The following HPX variants were observed in gnomAD, a reference collection of about 807,000 sequenced individuals.
HPX encodes the protein hemopexin.
HPX carries 42 observed loss-of-function variants against 53.8 expected under a neutral mutation model. The observed-to-expected ratio is 0.78, with a 90% CI of 0.61 to 1.01. HPX has a LOEUF of 1.01. HPX is among the 50% of genes least tolerant of loss of function. The probability of loss-of-function intolerance (pLI) is 0.00; values close to 1 mark genes in which losing one functional copy is unlikely to be tolerated. For missense variants in HPX, 547 were observed against 594.3 expected (o/e 0.92, Z 0.83); for synonymous variants, 229 against 221.1 (o/e 1.04, Z -0.32).
At chr11:6,438,015 T>G in intron 5 of HPX, 1 of 487,044 alleles carries the variant, frequency 2.1e-6, no homozygotes, top group Non-Finnish European at 3.7e-6. Context: ...TGGAGCTTAG[T>G]GTTAAGGTAA....
chr11:6,438,196 C>G, intron 5 of HPX, 160 bp downstream of exon 5: 1 of 715,688 alleles, frequency 1.4e-6, no homozygotes, highest in Non-Finnish European at 2.4e-6. Context: ...CTCTCCTTCC[C>G]TCACGTGACC....
At chr11:6,440,789 CT>C (rs1849474842) in intron 1 of HPX, 59 bp from the exon 2 acceptor site, 17 of 1,597,454 alleles carry the variant, frequency 1.1e-5, no homozygotes, top group Non-Finnish European at 1.5e-5. Context: ...CCCATAGCCC[CT>C]GACCCCAAAT....
At chr11:6,440,785 G>A in intron 1 of HPX, 55 bp from the exon 2 acceptor site, 4 of 1,594,378 alleles carry the variant, frequency 2.5e-6, no homozygotes, top group Non-Finnish European at 3.4e-6. Flanking sequence ...CTTTCCCATA[G>A]CCCCTGACCC....
intron 2 of HPX, 42 bp from the exon 3 acceptor site, chr11:6,440,580 A>C (rs1277107445): frequency 5.1e-6 from 3 of 585,158 alleles, no homozygotes; most frequent in Admixed American, 7.3e-5. Context: ...AAAAAAAAAA[A>C]AAAAAAAAAA....
chr11:6,437,513 G>T lies in HPX; in HGVS notation c.630C>A (p.Asp210Glu). The T allele has an allele frequency of 1.2e-6, 2 of 1,614,216 alleles. No homozygotes were observed. The highest frequency in any genetic ancestry group is 1.7e-6 in the Non-Finnish European group (2 of 1,180,034). ...TGGGAGGCACCTCTCCCCTGACAGG[G>T]TCGAAGCGCAGGAATTGGTTACCCT... ...CFQGNQFLRF[D>E]PVRGEVPPRY... Residue 210 changes from aspartate (D) to glutamate (E), a missense_variant, in exon 6 of 10, where the codon GAC becomes GAA. Coordinates refer to ENST00000265983, the MANE Select transcript of HPX (RefSeq NM_000613.3).
chr11:6,431,734 C>G lies in HPX; in HGVS notation c.1036G>C (p.Glu346Gln), dbSNP rs1265187115. 6.2e-7 allele frequency: 1 copy of G among 1,614,104 alleles called. No homozygotes were observed. The highest frequency in any genetic ancestry group is 8.5e-7 in the Non-Finnish European group (1 of 1,180,046). The change falls in exon 9 of 10, where the codon GAG (glutamate) becomes CAG (glutamine). Residue 346 changes from glutamate to glutamine, a missense_variant. By Grantham distance (29) the Glu-to-Gln change is conservative. Coordinates refer to ENST00000265983, the MANE Select transcript of HPX (RefSeq NM_000613.3). ...CCATGAGGGGTCCCGACTTCCTTCTCCAGCCGCTTCGGATAACCGCTTACT... is the reference window on the plus strand; with the variant it reads ...CCATGAGGGGTCCCGACTTCCTTCTGCAGCCGCTTCGGATAACCGCTTACT... The part of the protein sequence containing the change: ...TLVSGYPKRL[E>Q]KEVGTPHGII...
chr11:6,438,016 G>T, intron 5 of HPX: 1 of 488,438 alleles, frequency 2.0e-6, no homozygotes, highest in Non-Finnish European at 3.7e-6. Flanking sequence ...GGAGCTTAGT[G>T]TTAAGGTAAA....
At chr11:6,433,742 T>C (rs1459286397) in intron 7 of HPX, among the ~76,000 whole-genome samples, 12 of 152,244 alleles carry the variant, frequency 7.9e-5, no homozygotes, top group Non-Finnish European at 1.5e-5. Flanking sequence ...CCTTTTATGG[T>C]TGAAAACCCT....
intron 9 of HPX, 33 bp from the exon 10 acceptor site, chr11:6,431,503 C>T (rs1849347705): frequency 1.9e-6 from 3 of 1,613,174 alleles, no homozygotes; most frequent in Non-Finnish European, 2.5e-6. Flanking sequence ...AGCATGGCTT[C>T]CATGTCATGG....
rs1849442967 is a variant in HPX at position 6,438,356 on chromosome 11, C to T, written c.490G>A (p.Gly164Ser). The part of the protein sequence containing the change: ...CQAEGVLFFQ[G>S]DREWFWDLAT... ...TTCTTGGATTCCAGCCTGGACTGAC[C>T]TTGGAAGAAGAGGACGCCTTCAGCT... Residue 164 changes from glycine (G) to serine (S), a missense_variant and splice_region_variant, in exon 5 of 10, where the codon GGT becomes AGT. Gly to Ser is a moderately conservative substitution (Grantham distance 56). Transcript: ENST00000265983. The T allele has an allele frequency of 5.6e-6, 9 of 1,613,976 alleles. No individual in the cohort carries two copies. Among genetic ancestry groups the T allele is most frequent in the Non-Finnish European group, 7.6e-6 (9 of 1,180,014 alleles).
chr11:6,435,527 C>T (rs1394404958), intron 7 of HPX, among the ~76,000 whole-genome samples: 2 of 152,010 alleles, frequency 1.3e-5, no homozygotes, highest in Non-Finnish European at 2.9e-5. Flanking sequence ...TGCAGTAGCA[C>T]GATCACGGCT....
chr11:6,431,452 A>G lies in HPX; in HGVS notation c.1148T>C (p.Leu383Pro). 6.2e-7 allele frequency: 1 copy of G among 1,614,114 alleles called. No individual in the cohort carries two copies. The highest frequency in any genetic ancestry group is 8.5e-7 in the Non-Finnish European group (1 of 1,180,012). ...HIMAGRRLWW[L>P]DLKSGAQATW... ...GGCTTGGGCTCCTGACTTCAGGTCC[A>G]GCCACCACAGCCGCCGTCCTGGGGA... The change falls in exon 10 of 10, where the codon CTG becomes CCG. Residue 383 changes from leucine to proline, a missense_variant. Leu to Pro is a moderately conservative substitution (Grantham distance 98). Transcript: ENST00000265983.
chr11:6,437,979 G>C (rs1366294708), intron 5 of HPX: 7 of 522,046 alleles, frequency 1.3e-5, no homozygotes, highest in Non-Finnish European at 2.1e-5. Context: ...AGCAAACTGA[G>C]TGTACAGAGA....
intron 4 of HPX, among the ~76,000 whole-genome samples, chr11:6,439,290 C>T (rs960425984): frequency 6.6e-6 from 1 of 152,142 alleles, no homozygotes; most frequent in Non-Finnish European, 1.5e-5. Context: ...GAGAAGATAA[C>T]CAAGGCCCAG....
At chr11:6,436,932 C>T (rs1849424275) in intron 7 of HPX, 114 bp downstream of exon 7, 27 of 1,181,846 alleles carry the variant, frequency 2.3e-5, no homozygotes. Context: ...AGGATGGGGA[C>T]AGAGGGGACA....
intron 7 of HPX, 140 bp from the exon 8 acceptor site, chr11:6,432,157 G>A: frequency 1.1e-6 from 1 of 891,278 alleles, no homozygotes; most frequent in Non-Finnish European, 1.7e-6. Flanking sequence ...GTGAGAAGGA[G>A]AAATAGAGCA....
At chr11:6,440,601 AAACCAG>A in intron 2 of HPX, 63 bp from the exon 3 acceptor site, 1 of 1,207,390 alleles carries the variant, frequency 8.3e-7, no homozygotes, top group Non-Finnish European at 1.2e-6. Flanking sequence ...AAAAAAAAAA[AAACCAG>A]AAGGTGATAA....
chr11:6,437,696 G>A (rs746334920), intron 5 of HPX, 44 bp from the exon 6 acceptor site: 30 of 1,511,052 alleles, frequency 2.0e-5, no homozygotes, highest in Non-Finnish European at 2.6e-5. Flanking sequence ...ACCGGGTTAC[G>A]CCCTCCTTTG....
chr11:6,438,265 C>A lies in HPX; in HGVS notation c.490+91G>T, dbSNP rs112697322. ...CTTAAAAAGCCACATAGTGGCTCCA[C>A]CACCACCATCACTACCACTATCACC... On this transcript the variant is annotated intron_variant, in intron 5 of 9. Transcript: ENST00000265983. 4,065 of 1,342,666 alleles carry A rather than the reference C, an allele frequency of 3.0e-3. 105 individuals carry two copies. In the African/African-American group the frequency reaches 0.052, roughly 17 times the overall value. The allele number at this position is 1,342,666 out of a possible 1,614,324, so 83.2% of individuals were successfully genotyped here. A position where few individuals can be genotyped will look rare whatever the true frequency, so the allele number is the denominator to read the frequency against.
Sources: allele counts gnomAD v4.1 joint callset (sites outside exome capture counted in the v4.1 genomes callset), GRCh38; gene constraint gnomAD v4.1.1; transcripts MANE v1.5; gene names NCBI Gene and HGNC (gene_info 2026-07-23, HGNC 2026-07-21).